Variants in HCN1 observed in about 807,000 individuals in gnomAD.
The protein encoded by HCN1 is potassium/sodium hyperpolarization-activated cyclic nucleotide-gated channel 1.
HCN1 carries 13 observed loss-of-function variants against 78.9 expected under a neutral mutation model. The observed-to-expected ratio is 0.16, with a 90% CI of 0.11 to 0.26. HCN1 has a LOEUF of 0.26. Among genes scored for constraint, HCN1 ranks in the 10% least tolerant of loss-of-function variants. HCN1 has a pLI of 1.00. For synonymous variants in HCN1, 552 were observed against 455.5 expected (o/e 1.21, Z -2.70); for missense variants, 810 against 1,154.3 (o/e 0.70, Z 4.32).
chr5:45,496,230 C>T (rs921111267), intron 2 of HCN1, among the ~76,000 whole-genome samples: 1 of 151,990 alleles, frequency 6.6e-6, no homozygotes, highest in African/African-American at 2.4e-5. Flanking sequence ...CCATCTGGTC[C>T]TGGACTCTTT....
At chr5:45,618,052 T>C (rs1580001917) in intron 2 of HCN1, among the ~76,000 whole-genome samples, 1 of 141,956 alleles carries the variant, frequency 7.0e-6, no homozygotes, top group Admixed American at 7.1e-5. Flanking sequence ...AGAACACAGA[T>C]GGGAAATTCA....
intron 1 of HCN1, among the ~76,000 whole-genome samples, chr5:45,679,697 C>T (rs1033807619): frequency 1.3e-5 from 2 of 151,998 alleles, no homozygotes; most frequent in East Asian, 1.9e-4. Flanking sequence ...AAAAATTGTA[C>T]TTTCAATACA....
chr5:45,439,246 C>T (rs1357359332), intron 3 of HCN1, among the ~76,000 whole-genome samples: 2 of 152,088 alleles, frequency 1.3e-5, no homozygotes, highest in Non-Finnish European at 2.9e-5. Flanking sequence ...AAGTTTCTCT[C>T]TTTCAGAGAA....
chr5:45,263,739 G>A (rs1389652755), intron 7 of HCN1, among the ~76,000 whole-genome samples: 1 of 151,854 alleles, frequency 6.6e-6, no homozygotes, highest in Non-Finnish European at 1.5e-5. Flanking sequence ...TAGTTTAAAA[G>A]CAAATTTCCC....
chr5:45,499,270 G>A (rs1446354394), intron 2 of HCN1, among the ~76,000 whole-genome samples: 3 of 152,158 alleles, frequency 2.0e-5, no homozygotes, highest in Admixed American at 6.5e-5. Flanking sequence ...TCCAAGCCAC[G>A]TGCAGGATAT....
In HCN1 at chr5:45,267,130, C is replaced by T. The variant is rs1248907862; in HGVS notation, c.1742G>A (p.Arg581Lys). ...EVLEEYPMMR[R>K]AFETVAIDRL... ...GTCAATGGCAACTGTCTCAAAGGCTCTCCTCATCATTGGATATTCCTCCAG... is the reference window on the plus strand; with the variant it reads ...GTCAATGGCAACTGTCTCAAAGGCTTTCCTCATCATTGGATATTCCTCCAG... The change falls in exon 7 of 8, where the codon AGA (arginine) becomes AAA (lysine). Residue 581 changes from arginine (R) to lysine (K), a missense_variant. Physicochemically the swap from Arg to Lys is conservative, Grantham distance 26 (BLOSUM62 2). This residue lies in a region of HCN1 where 36 missense variants were observed against 58.5 expected (regional missense o/e 0.62). Coordinates refer to ENST00000303230, the MANE Select transcript of HCN1 (RefSeq NM_021072.4). The T allele has an allele frequency of 3.1e-6, 5 of 1,613,836 alleles. No individual in the cohort carries two copies. Among genetic ancestry groups the T allele is most frequent in the African/African-American group, 2.7e-5 (2 of 74,906 alleles).
rs1426306160 is a variant in HCN1 at position 45,696,248 on chromosome 5, C to T, written c.-155G>A. 2 of 189,456 alleles carry T rather than the reference C, an allele frequency of 1.1e-5. No individual in the cohort carries two copies. Among genetic ancestry groups the T allele is most frequent in the Non-Finnish European group, 2.0e-5 (2 of 99,482 alleles). 11.7% of individuals were successfully genotyped at this position (189,456 alleles called of 1,614,324 possible). ...GCGGCGGCGGCGGCGGCTGCTGCTT[C>T]CCGACCGCGCCGCTGCTAGCTGCGC... On this transcript the variant is annotated 5_prime_UTR_variant, in exon 1 of 8. Transcript: ENST00000303230.
chr5:45,288,766 T>C (rs1745316968), intron 6 of HCN1, among the ~76,000 whole-genome samples: 1 of 152,100 alleles, frequency 6.6e-6, no homozygotes, highest in African/African-American at 2.4e-5. Context: ...AGAATCCTGG[T>C]ACCATTGCAC....
At chr5:45,638,016 C>T (rs1325764281) in intron 2 of HCN1, among the ~76,000 whole-genome samples, 1 of 152,100 alleles carries the variant, frequency 6.6e-6, no homozygotes, top group Non-Finnish European at 1.5e-5. Context: ...CCAAATGAGA[C>T]ACAAATTGGC....
intron 1 of HCN1, among the ~76,000 whole-genome samples, chr5:45,646,367 C>CTTTTTTTTTTTTT (rs201964510): frequency 4.0e-5 from 5 of 123,522 alleles, no homozygotes; most frequent in Non-Finnish European, 6.7e-5. Flanking sequence ...TTCTTTCTTT[C>CTTTTTTTTTTTTT]TTTTTTTTTT....
chr5:45,331,916 A>G (rs929765871), intron 5 of HCN1, among the ~76,000 whole-genome samples: 1 of 151,584 alleles, frequency 6.6e-6, no homozygotes, highest in Non-Finnish European at 1.5e-5. Flanking sequence ...AAGCTTCAAA[A>G]TCAAATGATA....
At chr5:45,428,466 TA>T (rs996397422) in intron 3 of HCN1, among the ~76,000 whole-genome samples, 6 of 151,996 alleles carry the variant, frequency 3.9e-5, no homozygotes, top group East Asian at 1.9e-4. Flanking sequence ...ATCATTCATT[TA>T]AAAAAAATTC....
intron 4 of HCN1, 68 bp from the exon 5 acceptor site, chr5:45,353,314 G>T: frequency 3.3e-6 from 4 of 1,210,716 alleles, no homozygotes; most frequent in South Asian, 1.3e-5. Context: ...ATATTATTTT[G>T]TTTTGCTATA....
Position 45,353,601 on chromosome 5 carries a change from AT to A in HCN1, c.1231-356del, listed in dbSNP as rs538585964. On this transcript the variant is annotated intron_variant, in intron 4 of 7. Transcript: ENST00000303230. ...AATTGAGTTCTAAAAGAAGTATGAA[AT>A]TGTTTGGCTGTCGATTTTTAAGAAA... 5.9e-5 allele frequency among the ~76,000 whole-genome samples: 9 copies of A among 152,086 alleles called. No homozygotes were observed. In the South Asian group the frequency reaches 1.9e-3, roughly 32 times the overall value.
At chr5:45,437,218 T>A (rs1181371030) in intron 3 of HCN1, among the ~76,000 whole-genome samples, 3 of 152,102 alleles carry the variant, frequency 2.0e-5, no homozygotes, top group Admixed American at 2.0e-4. Context: ...AATGAATGAA[T>A]CGGGTATGAT....
chr5:45,320,712 T>C (rs1746107108), intron 5 of HCN1, among the ~76,000 whole-genome samples: 1 of 151,808 alleles, frequency 6.6e-6, no homozygotes. Flanking sequence ...TAACCAACAA[T>C]TTGTTTTTTT....
chr5:45,444,868 T>C (rs999127948), intron 3 of HCN1, among the ~76,000 whole-genome samples: 6 of 152,164 alleles, frequency 3.9e-5, no homozygotes, highest in Non-Finnish European at 8.8e-5. Flanking sequence ...TAGCTACATG[T>C]GCCATGCTGG....
intron 2 of HCN1, among the ~76,000 whole-genome samples, chr5:45,536,351 G>C (rs372315559): frequency 6.6e-6 from 1 of 152,044 alleles, no homozygotes; most frequent in African/African-American, 2.4e-5. Flanking sequence ...CATTGTTTGT[G>C]AGTCCATGCT....
At chr5:45,428,174 T>C (rs191568216) in intron 3 of HCN1, among the ~76,000 whole-genome samples, 2 of 152,158 alleles carry the variant, frequency 1.3e-5, no homozygotes, top group East Asian at 1.9e-4. Flanking sequence ...ACCTGGCATA[T>C]GATAGATGCA....
Sources: gnomAD v4.1 joint callset for allele counts (sites outside exome capture counted in the v4.1 genomes callset) on GRCh38, gnomAD v4.1.1 for gene constraint, gnomAD v4.1.1 regional missense constraint, MANE v1.5 for transcripts, NCBI Gene and HGNC (gene_info 2026-07-23, HGNC 2026-07-21) for gene names.